DIAPH2: variants seen among roughly 807,000 people sequenced by gnomAD.
DIAPH2 encodes protein diaphanous homolog 2.
In DIAPH2, 35 loss-of-function variants were observed where a neutral mutation model predicts 92.7. That is an observed-to-expected ratio of 0.38 (90% CI 0.29 to 0.50). The LOEUF (loss-of-function observed/expected upper bound fraction) is 0.50. DIAPH2 is among the 20% of genes least tolerant of loss of function. The pLI is 0.94. For missense variants in DIAPH2, 701 were observed against 819.5 expected, an observed-to-expected ratio of 0.86 and a Z score of 1.77; for synonymous variants, 301 against 280.4, an observed-to-expected ratio of 1.07 and a Z score of -0.73.
At chrX:97,276,102 C>T (rs773867722) in intron 23 of DIAPH2, among the ~76,000 whole-genome samples, 1 of 112,186 alleles carries the variant, frequency 8.9e-6, no homozygotes, top group Non-Finnish European at 1.9e-5. Flanking sequence ...CAGCGAAACC[C>T]CGTCTCCACC....
intron 20 of DIAPH2, among the ~76,000 whole-genome samples, chrX:97,110,682 T>C (rs1474893991): frequency 8.9e-6 from 1 of 112,074 alleles, no homozygotes; most frequent in Non-Finnish European, 1.9e-5. Flanking sequence ...GCATCATTGT[T>C]AGAAGTAAGA....
At position 96,958,087 on chromosome X, in the gene DIAPH2, G is replaced by A; in HGVS notation, c.1874G>A (p.Gly625Glu). The A allele has an allele frequency of 8.3e-7, 1 of 1,210,864 alleles. No individual in the cohort carries two copies. Among genetic ancestry groups the A allele is most frequent in the Non-Finnish European group, 1.1e-6 (1 of 895,039 alleles). Residue 625 changes from glycine (G) to glutamate (E), a missense_variant, in exon 16 of 27, where the codon GGA becomes GAA. Around this residue, in one of 3 missense-constraint regions of DIAPH2, gnomAD observed 536 missense variants for 599.3 expected, o/e 0.89. Coordinates refer to ENST00000324765, the MANE Select transcript of DIAPH2 (RefSeq NM_006729.5). ...GGAATATCACTTAATCTACCTTATG[G>A]AATGAAGCAGAAAAAAATGTATAAA... ...PPGISLNLPY[G>E]MKQKKMYKPE...
intron 3 of DIAPH2, among the ~76,000 whole-genome samples, chrX:96,749,126 C>T (rs1229775231): frequency 3.1e-5 from 1 of 31,994 alleles, no homozygotes; most frequent in Non-Finnish European, 5.2e-5. Flanking sequence ...CCTACCCCAT[C>T]AGAAAAAAAA....
intron 21 of DIAPH2, among the ~76,000 whole-genome samples, chrX:97,118,069 G>A (rs2067028801): frequency 9.0e-6 from 1 of 110,736 alleles, no homozygotes; most frequent in African/African-American, 3.3e-5. Flanking sequence ...TATCAAATAA[G>A]GATCTTTGTT....
At chrX:97,031,528 A>G (rs1033691076) in intron 17 of DIAPH2, among the ~76,000 whole-genome samples, 22 of 111,334 alleles carry the variant, frequency 2.0e-4, no homozygotes, top group African/African-American at 6.9e-4. Flanking sequence ...TGCCCACTGT[A>G]TTTAATCTTG....
At chrX:97,489,320 A>T (rs779736193) in intron 26 of DIAPH2, among the ~76,000 whole-genome samples, 1 of 110,915 alleles carries the variant, frequency 9.0e-6, no homozygotes, top group Non-Finnish European at 1.9e-5. Context: ...ATTAGTTTTA[A>T]CAGTTTTTTG....
chrX:97,207,796 A>G (rs1356521896), intron 22 of DIAPH2, among the ~76,000 whole-genome samples: 2 of 111,663 alleles, frequency 1.8e-5, no homozygotes, highest in South Asian at 7.6e-4. Flanking sequence ...AGAGTGTGCA[A>G]TGATGATTGA....
Position 96,738,618 on chromosome X carries a change from T to C in DIAPH2, c.198T>C (p.Thr66=). 1.7e-6 allele frequency: 2 copies of C among 1,202,628 alleles called. No individual in the cohort carries two copies. The highest frequency in any genetic ancestry group is 1.8e-5 in the South Asian group (1 of 54,510). The stretch of plus-strand genomic sequence containing the variant: ...GAATTACAAGTTTTAGAAAATCTAC[T>C]GTCAAAAAAGAAAAACCTCTTATTC... The part of the protein sequence containing the change: ...RDRITSFRKS[T]VKKEKPLIQH... Residue 66 remains threonine (T), a synonymous_variant, in exon 3 of 27, where the codon ACT becomes ACC. Transcript: ENST00000324765.
intron 26 of DIAPH2, among the ~76,000 whole-genome samples, chrX:97,567,599 C>T (rs1755458153): frequency 9.0e-6 from 1 of 111,727 alleles, no homozygotes; most frequent in Non-Finnish European, 1.9e-5. Context: ...GAACTATTAT[C>T]CCTATTCTGA....
chrX:96,788,494 A>G (rs889881729), intron 4 of DIAPH2, among the ~76,000 whole-genome samples: 2 of 111,754 alleles, frequency 1.8e-5, no homozygotes, highest in African/African-American at 6.5e-5. Context: ...GGCAAGACCT[A>G]GGGCCAACCA....
intron 16 of DIAPH2, 53 bp downstream of exon 16, chrX:96,958,201 C>T: frequency 8.6e-7 from 1 of 1,162,280 alleles, no homozygotes; most frequent in Non-Finnish European, 1.2e-6. Flanking sequence ...TTGATCATTG[C>T]TATGTGTACA....
At chrX:96,699,328 G>A (rs751442941) in intron 1 of DIAPH2, among the ~76,000 whole-genome samples, 6 of 111,791 alleles carry the variant, frequency 5.4e-5, no homozygotes. Flanking sequence ...AAATATGTAA[G>A]GAAGGATATA....
chrX:96,861,061 T>A (rs1410365759), intron 4 of DIAPH2, among the ~76,000 whole-genome samples: 2 of 111,627 alleles, frequency 1.8e-5, no homozygotes, highest in Non-Finnish European at 3.8e-5. Context: ...GATCATGTTC[T>A]ATGGACCAGG....
At chrX:97,236,765 C>A (rs2068051680) in intron 22 of DIAPH2, among the ~76,000 whole-genome samples, 1 of 110,224 alleles carries the variant, frequency 9.1e-6, no homozygotes, top group Non-Finnish European at 1.9e-5. Context: ...AGGATGGTCT[C>A]GATCTCCTGA....
intron 9 of DIAPH2, among the ~76,000 whole-genome samples, chrX:96,919,194 G>T (rs993612788): frequency 6.2e-5 from 7 of 112,224 alleles, no homozygotes; most frequent in African/African-American, 1.9e-4. Context: ...TGTTCTTGAG[G>T]GATGAGAATG....
intron 17 of DIAPH2, among the ~76,000 whole-genome samples, chrX:97,008,078 T>C (rs1183350605): frequency 9.9e-6 from 1 of 101,343 alleles, no homozygotes; most frequent in Non-Finnish European, 2.0e-5. Flanking sequence ...CTGTTTTCTA[T>C]ATCTAGTAGG....
chrX:96,899,215 T>G (rs1382899509), intron 5 of DIAPH2, among the ~76,000 whole-genome samples: 3 of 107,613 alleles, frequency 2.8e-5, no homozygotes, highest in African/African-American at 1.0e-4. Flanking sequence ...TGTGGGCTCT[T>G]TTTTGGTTCC....
intron 22 of DIAPH2, among the ~76,000 whole-genome samples, chrX:97,229,461 A>G (rs1156982022): frequency 8.9e-6 from 1 of 111,844 alleles, no homozygotes; most frequent in Non-Finnish European, 1.9e-5. Context: ...TGCCAAAGGC[A>G]TTTTGAAAAT....
At chrX:97,488,765 T>C (rs2070705947) in intron 26 of DIAPH2, among the ~76,000 whole-genome samples, 2 of 112,170 alleles carry the variant, frequency 1.8e-5, no homozygotes, top group African/African-American at 6.5e-5. Context: ...CATATATGCA[T>C]GGATATATTT....
Sources: allele counts gnomAD v4.1 joint callset (sites outside exome capture counted in the v4.1 genomes callset), GRCh38; gene constraint gnomAD v4.1.1; regional missense constraint gnomAD v4.1.1; transcripts MANE v1.5; gene names NCBI Gene and HGNC (gene_info 2026-07-23, HGNC 2026-07-21).